LMTK2: variants seen among roughly 807,000 people sequenced by gnomAD.
LMTK2 encodes the protein serine/threonine-protein kinase LMTK2.
In LMTK2, 37 loss-of-function variants were observed where a neutral mutation model predicts 127.5. The observed-to-expected ratio is 0.29, with a 90% CI of 0.22 to 0.38. The LOEUF (loss-of-function observed/expected upper bound fraction) is 0.38, where lower values mean the gene tolerates loss of function less well. Ranked by LOEUF, LMTK2 falls within the 10% of genes least tolerant of loss-of-function variation. The pLI, the probability that LMTK2 is intolerant of heterozygous loss-of-function variation, is 1.00. For synonymous variants in LMTK2, 819 were observed against 810.1 expected (o/e 1.01, Z -0.19); for missense variants, 1,694 against 1,920.3 (o/e 0.88, Z 2.20).
Position 98,151,470 on chromosome 7 carries a change from A to T in LMTK2, c.450+15A>T. ...GGTTTGGAAAGGTAAGATGCTCTTC[A>T]CTTGCATTTGTTTTCCTCTGAATGA... On this transcript the variant is annotated intron_variant, in intron 4 of 13. Transcript: ENST00000297293. 6.3e-7 allele frequency: 1 copy of T among 1,589,960 alleles called. No homozygotes were observed. Among genetic ancestry groups the T allele is most frequent in the Non-Finnish European group, 8.6e-7 (1 of 1,158,226 alleles).
Position 98,141,502 on chromosome 7 carries a change from A to G in LMTK2, c.337A>G (p.Ile113Val), listed in dbSNP as rs779754426. The G allele has an allele frequency of 6.2e-7, 1 of 1,613,984 alleles. No homozygotes were observed. The highest frequency in any genetic ancestry group is 1.7e-5 in the Admixed American group (1 of 60,010). Reference sequence around the variant, plus strand: ...GGTCTTCACACTTTCAGTACCAAATATTTCACTCCCAGCTCCCTCGCAATT... The same window carrying G: ...GGTCTTCACACTTTCAGTACCAAATGTTTCACTCCCAGCTCCCTCGCAATT... Reference protein sequence around the residue: ...AEVFTLSVPNISLPAPSQFQP... With the variant: ...AEVFTLSVPNVSLPAPSQFQP... The change falls in exon 3 of 14, where the codon ATT becomes GTT. Residue 113 changes from isoleucine (I) to valine (V), a missense_variant. Coordinates refer to ENST00000297293, the MANE Select transcript of LMTK2 (RefSeq NM_014916.4).
chr7:98,176,001 A>T (rs1230164900), intron 7 of LMTK2, among the ~76,000 whole-genome samples: 1 of 152,276 alleles, frequency 6.6e-6, no homozygotes, highest in Admixed American at 6.5e-5. Context: ...TAATAGCAAA[A>T]GATGACATAA....
At chr7:98,143,165 C>G (rs1211273914) in intron 3 of LMTK2, among the ~76,000 whole-genome samples, 2 of 152,158 alleles carry the variant, frequency 1.3e-5, no homozygotes, top group Admixed American at 6.5e-5. Context: ...TATATACACA[C>G]CCCTTTCTGT....
chr7:98,157,251 CGGTAGGTAGGTAGGTAGGTA>C (rs60034734), intron 5 of LMTK2, among the ~76,000 whole-genome samples: 30 of 142,046 alleles, frequency 2.1e-4, no homozygotes, highest in South Asian at 1.2e-3. Flanking sequence ...GACCCTGTCT[CGGTAGGTAGGTAGGTAGGTA>C]GGTAGGTAGG....
At position 98,133,656 on chromosome 7, in the gene LMTK2, T is replaced by C. The variant is rs1288307840; in HGVS notation, c.104-3659T>C. ...TAATGGGACTGTTAGATACTGAGGTTGAGTAAGTGTGGTTCACACTGAGGA... is the reference window on the plus strand; with the variant it reads ...TAATGGGACTGTTAGATACTGAGGTCGAGTAAGTGTGGTTCACACTGAGGA... On this transcript the variant is annotated intron_variant, in intron 1 of 13. Transcript: ENST00000297293. Among the ~76,000 whole-genome samples, 3 of 152,136 alleles carry C rather than the reference T, an allele frequency of 2.0e-5. No homozygotes were observed. In the East Asian group the frequency reaches 5.8e-4, roughly 29 times the overall value.
At chr7:98,162,936 A>G (rs557925473) in intron 6 of LMTK2, among the ~76,000 whole-genome samples, 1 of 152,298 alleles carries the variant, frequency 6.6e-6, no homozygotes, top group South Asian at 2.1e-4. Flanking sequence ...TCTCTGTGCA[A>G]TGGAGGATTG....
At chr7:98,114,083 C>G (rs1464201569) in intron 1 of LMTK2, among the ~76,000 whole-genome samples, 1 of 152,092 alleles carries the variant, frequency 6.6e-6, no homozygotes, top group Non-Finnish European at 1.5e-5. Context: ...TTCATTTTCT[C>G]TGCCTTTTTT....
intron 7 of LMTK2, among the ~76,000 whole-genome samples, chr7:98,179,950 C>T (rs1360047702): frequency 6.6e-6 from 1 of 152,220 alleles, no homozygotes; most frequent in African/African-American, 2.4e-5. Flanking sequence ...TATTACCGAA[C>T]ACTACCTTGC....
At chr7:98,178,387 C>T (rs532310914) in intron 7 of LMTK2, among the ~76,000 whole-genome samples, 2 of 152,298 alleles carry the variant, frequency 1.3e-5, no homozygotes, top group South Asian at 2.1e-4. Flanking sequence ...CCTTGTGAAT[C>T]GGGGTGGGAA....
chr7:98,176,720 G>A (rs1371975680), intron 7 of LMTK2, among the ~76,000 whole-genome samples: 1 of 152,120 alleles, frequency 6.6e-6, no homozygotes, highest in East Asian at 1.9e-4. Flanking sequence ...GGTGGCACAT[G>A]CCTGTAATCC....
At position 98,209,141 on chromosome 7, in the gene LMTK2, C is replaced by T. The variant is rs186594153; in HGVS notation, c.*3649C>T. The T allele has an allele frequency of 6.6e-5, 10 of 152,294 alleles. No homozygotes were observed. Among genetic ancestry groups the T allele is most frequent in the Admixed American group, 2.0e-4 (3 of 15,290 alleles). The allele number at this position is 152,294 out of a possible 1,614,324, so 9.4% of individuals were successfully genotyped here. A position where few individuals can be genotyped will look rare whatever the true frequency, so the allele number is the denominator to read the frequency against. Reference sequence around the variant, plus strand: ...TAGCCTTAAAAAAAGAATGGGTATACGCAGTGACTTCCGATGGAAATCTCC... The same window carrying T: ...TAGCCTTAAAAAAAGAATGGGTATATGCAGTGACTTCCGATGGAAATCTCC... On this transcript the variant is annotated 3_prime_UTR_variant, in exon 14 of 14. Coordinates refer to ENST00000297293, the MANE Select transcript of LMTK2 (RefSeq NM_014916.4).
intron 1 of LMTK2, among the ~76,000 whole-genome samples, chr7:98,110,224 C>G (rs191988750): frequency 3.9e-4 from 60 of 152,290 alleles, no homozygotes; most frequent in Non-Finnish European, 7.9e-4. Context: ...CATCTAGATT[C>G]ATTGCTAGAC....
In LMTK2 at chr7:98,142,146, T is replaced by A. The variant is rs1796708515; in HGVS notation, c.376+605T>A. Among the ~76,000 whole-genome samples the A allele has an allele frequency of 3.9e-5, 6 of 152,238 alleles. No homozygotes were observed. In the South Asian group the frequency reaches 1.2e-3, roughly 31 times the overall value. On this transcript the variant is annotated intron_variant, in intron 3 of 13. Coordinates refer to ENST00000297293, the MANE Select transcript of LMTK2 (RefSeq NM_014916.4). Reference sequence around the variant, plus strand: ...AAAATAATACCTTTTAAAAAATATTTTAAGCTTTTGCTTTGACCAAAGAAG... The same window carrying A: ...AAAATAATACCTTTTAAAAAATATTATAAGCTTTTGCTTTGACCAAAGAAG...
intron 3 of LMTK2, among the ~76,000 whole-genome samples, chr7:98,150,243 G>T (rs183349793): frequency 6.6e-6 from 1 of 151,762 alleles, no homozygotes; most frequent in East Asian, 1.9e-4. Flanking sequence ...GGGAGGCGTA[G>T]GTTGCAGTGA....
intron 11 of LMTK2, among the ~76,000 whole-genome samples, chr7:98,196,916 A>C (rs1327083236): frequency 6.6e-6 from 1 of 152,354 alleles, no homozygotes; most frequent in East Asian, 1.9e-4. Flanking sequence ...TCGTTTGCTT[A>C]TGCGTCTCAT....
At chr7:98,153,576 C>T (rs1796887117) in intron 4 of LMTK2, among the ~76,000 whole-genome samples, 1 of 152,134 alleles carries the variant, frequency 6.6e-6, no homozygotes, top group African/African-American at 2.4e-5. Flanking sequence ...AGTTTTACTC[C>T]TCAAGGAGCA....
At chr7:98,164,967 C>T (rs1313844478) in intron 6 of LMTK2, among the ~76,000 whole-genome samples, 2 of 152,202 alleles carry the variant, frequency 1.3e-5, no homozygotes, top group Non-Finnish European at 2.9e-5. Context: ...GAGTCAGTTT[C>T]TGAAGGCAGT....
chr7:98,133,436 A>T (rs972268011), intron 1 of LMTK2, among the ~76,000 whole-genome samples: 2 of 151,844 alleles, frequency 1.3e-5, no homozygotes, highest in Admixed American at 1.3e-4. Context: ...GGTTTCTGCA[A>T]ACCCATCTCA....
intron 1 of LMTK2, among the ~76,000 whole-genome samples, chr7:98,117,614 C>G (rs371203833): frequency 6.6e-6 from 1 of 152,030 alleles, no homozygotes; most frequent in Admixed American, 6.6e-5. Context: ...TGCCCCAGTC[C>G]TAGAATCAGC....
Sources: allele counts gnomAD v4.1 joint callset (sites outside exome capture counted in the v4.1 genomes callset), GRCh38; gene constraint gnomAD v4.1.1; transcripts MANE v1.5; gene names NCBI Gene and HGNC (gene_info 2026-07-23, HGNC 2026-07-21).